ANKS1B: variants seen among roughly 807,000 people sequenced by gnomAD.
ANKS1B encodes ankyrin repeat and sterile alpha motif domain containing 1B.
A neutral mutation model predicts 148.3 loss-of-function variants in ANKS1B; 36 were observed. That is an observed-to-expected ratio of 0.24 (90% CI 0.19 to 0.32). ANKS1B has a LOEUF of 0.32. Among genes scored for constraint, ANKS1B ranks in the 10% least tolerant of loss-of-function variants. The probability of loss-of-function intolerance (pLI) is 1.00; values close to 1 mark genes in which losing one functional copy is unlikely to be tolerated. For synonymous variants in ANKS1B, 542 were observed against 560.8 expected (o/e 0.97, Z 0.47); for missense variants, 1,157 against 1,542.6 (o/e 0.75, Z 4.19).
chr12:99,029,108 C>A (rs964808715), intron 17 of ANKS1B, among the ~76,000 whole-genome samples: 2 of 152,072 alleles, frequency 1.3e-5, no homozygotes, highest in African/African-American at 2.4e-5. Flanking sequence ...TGCAAAGATG[C>A]ATAATTATTT....
At chr12:99,418,403 G>A (rs369148175) in intron 11 of ANKS1B, among the ~76,000 whole-genome samples, 3 of 152,114 alleles carry the variant, frequency 2.0e-5, no homozygotes, top group East Asian at 3.9e-4. Flanking sequence ...AAATGACCTT[G>A]TATTTTTAAT....
At chr12:99,952,917 G>T (rs1345098743) in intron 1 of ANKS1B, among the ~76,000 whole-genome samples, 2 of 152,078 alleles carry the variant, frequency 1.3e-5, no homozygotes, top group Non-Finnish European at 2.9e-5. Flanking sequence ...TGAGATTTGA[G>T]GAAGGAAAGA....
At chr12:99,267,137 G>A (rs938967900) in intron 12 of ANKS1B, among the ~76,000 whole-genome samples, 11 of 152,176 alleles carry the variant, frequency 7.2e-5, no homozygotes, top group African/African-American at 2.7e-4. Context: ...GTGACATTCA[G>A]ACATGTGCAT....
At chr12:99,838,134 A>G (rs1482024212) in intron 1 of ANKS1B, among the ~76,000 whole-genome samples, 2 of 152,286 alleles carry the variant, frequency 1.3e-5, no homozygotes, top group African/African-American at 4.8e-5. Context: ...ATAGTATCCC[A>G]TTGTGTATGT....
At chr12:99,577,194 T>G in intron 9 of ANKS1B, among the ~76,000 whole-genome samples, 1 of 151,754 alleles carries the variant, frequency 6.6e-6, no homozygotes, top group East Asian at 1.9e-4. Context: ...TTTACCCAGT[T>G]AAGATTATAC....
At chr12:99,723,548 C>T (rs1205759390) in intron 8 of ANKS1B, among the ~76,000 whole-genome samples, 2 of 152,174 alleles carry the variant, frequency 1.3e-5, no homozygotes, top group Non-Finnish European at 2.9e-5. Context: ...GACCAGCAGA[C>T]TTAGCCTTTC....
intron 9 of ANKS1B, among the ~76,000 whole-genome samples, chr12:99,508,160 C>A (rs560193119): frequency 4.6e-5 from 7 of 151,898 alleles, no homozygotes; most frequent in African/African-American, 1.7e-4. Context: ...CAGTGTGGTA[C>A]AGGAGCTCAT....
chr12:98,837,787 T>C (rs879329069), intron 17 of ANKS1B, among the ~76,000 whole-genome samples: 2 of 152,182 alleles, frequency 1.3e-5, no homozygotes, highest in Admixed American at 6.5e-5. Flanking sequence ...AAATTAAACA[T>C]GTTTAAATTT....
At chr12:98,743,754 A>ATATT (rs1165537157), downstream of ANKS1B, among the ~76,000 whole-genome samples, 1 of 152,226 alleles carries the variant, frequency 6.6e-6, no homozygotes, top group African/African-American at 2.4e-5. Flanking sequence ...GTCTGCTTTA[A>ATATT]TATTTAAAAG....
chr12:98,991,036 G>T (rs2099926312), intron 17 of ANKS1B, among the ~76,000 whole-genome samples: 1 of 152,314 alleles, frequency 6.6e-6, no homozygotes, highest in Non-Finnish European at 1.5e-5. Flanking sequence ...CAGTGAGACT[G>T]GTTGTGTGAT....
intron 9 of ANKS1B, chr12:99,648,688 A>G: frequency 6.2e-7 from 1 of 1,614,180 alleles, no homozygotes; most frequent in African/African-American, 1.3e-5. Flanking sequence ...CCTTGTTTAC[A>G]TCCTGAGACC....
intron 17 of ANKS1B, among the ~76,000 whole-genome samples, chr12:99,050,689 T>TC (rs1296553420): frequency 9.0e-6 from 1 of 111,670 alleles, no homozygotes; most frequent in Non-Finnish European, 1.9e-5. Flanking sequence ...TTTTTCTTTT[T>TC]CTTTTTTTTT....
intron 8 of ANKS1B, among the ~76,000 whole-genome samples, chr12:99,767,756 CTT>C (rs932045020): frequency 9.2e-5 from 14 of 152,048 alleles, no homozygotes; most frequent in African/African-American, 2.9e-4. Flanking sequence ...AACAGACTGA[CTT>C]TTGAATTAAA....
At chr12:99,310,111 T>C (rs550990354) in intron 12 of ANKS1B, among the ~76,000 whole-genome samples, 4 of 152,278 alleles carry the variant, frequency 2.6e-5, no homozygotes, top group Admixed American at 6.5e-5. Context: ...GTTTGGAGAT[T>C]AGTTGGCTTC....
chr12:99,659,662 G>T (rs1442077890), intron 8 of ANKS1B, among the ~76,000 whole-genome samples: 3 of 147,918 alleles, frequency 2.0e-5, no homozygotes, highest in Non-Finnish European at 4.4e-5. Context: ...CTGTGTGTGT[G>T]CATGTGTGTA....
chr12:99,807,425 C>G (rs1021029285), intron 3 of ANKS1B, among the ~76,000 whole-genome samples: 2 of 151,894 alleles, frequency 1.3e-5, no homozygotes, highest in African/African-American at 4.8e-5. Flanking sequence ...AAACTGAACC[C>G]AGTTGCAAGG....
At chr12:98,889,487 A>C (rs2099747656) in intron 17 of ANKS1B, among the ~76,000 whole-genome samples, 1 of 152,008 alleles carries the variant, frequency 6.6e-6, no homozygotes, top group Non-Finnish European at 1.5e-5. Flanking sequence ...AGCTGAGATT[A>C]CAGGCACCCG....
intron 15 of ANKS1B, among the ~76,000 whole-genome samples, chr12:99,128,628 G>A (rs1320300991): frequency 6.6e-6 from 1 of 152,156 alleles, no homozygotes; most frequent in Non-Finnish European, 1.5e-5. Flanking sequence ...TCTCAAATTG[G>A]TTGAAATAAA....
At chr12:99,466,825 A>C (rs1308466092) in intron 10 of ANKS1B, among the ~76,000 whole-genome samples, 5 of 151,930 alleles carry the variant, frequency 3.3e-5, no homozygotes, top group Non-Finnish European at 7.4e-5. Context: ...AGAGTCCAGG[A>C]CCAGATGGAT....
Sources: gnomAD v4.1 joint callset for allele counts (sites outside exome capture counted in the v4.1 genomes callset) on GRCh38, gnomAD v4.1.1 for gene constraint, MANE v1.5 for transcripts, NCBI Gene and HGNC (gene_info 2026-07-23, HGNC 2026-07-21) for gene names.